Variants in UBE4B observed in about 807,000 individuals in gnomAD.
The protein encoded by UBE4B is ubiquitin conjugation factor E4 B.
UBE4B carries 27 observed loss-of-function variants against 148.1 expected under a neutral mutation model. The observed-to-expected ratio is 0.18, with a 90% CI of 0.13 to 0.25. The LOEUF (loss-of-function observed/expected upper bound fraction) is 0.25. UBE4B is among the 10% of genes least tolerant of loss of function. The probability of loss-of-function intolerance (pLI) is 1.00; values close to 1 mark genes in which losing one functional copy is unlikely to be tolerated. For synonymous variants in UBE4B, 596 were observed against 619.3 expected (o/e 0.96, Z 0.56); for missense variants, 1,170 against 1,662.4 (o/e 0.70, Z 5.15).
chr1:10,151,572 G>A lies in UBE4B; in HGVS notation c.2926+11G>A, dbSNP rs375826130. 43 of 1,610,394 alleles carry A rather than the reference G, an allele frequency of 2.7e-5. No homozygotes were observed. The highest frequency in any genetic ancestry group is 3.3e-5 in the Non-Finnish European group (39 of 1,177,376). The stretch of plus-strand genomic sequence containing the variant: ...TGAAGTTTTATACAGGTAGGTTGCT[G>A]GAACACAGTGTAGCACATGGCAGGC... On this transcript the variant is annotated intron_variant, in intron 21 of 27. Transcript: ENST00000343090.
intron 3 of UBE4B, among the ~76,000 whole-genome samples, chr1:10,099,784 A>G (rs1557550798): frequency 6.6e-6 from 1 of 152,204 alleles, no homozygotes; most frequent in Non-Finnish European, 1.5e-5. Flanking sequence ...CTAACAGAAC[A>G]GTAATGAGTC....
intron 17 of UBE4B, among the ~76,000 whole-genome samples, chr1:10,143,201 C>T (rs907713587): frequency 6.6e-6 from 1 of 151,790 alleles, no homozygotes; most frequent in Non-Finnish European, 1.5e-5. Flanking sequence ...GTCAGAAGTT[C>T]GAGATCAGCC....
At chr1:10,137,507 C>T (rs1416679224) in intron 17 of UBE4B, among the ~76,000 whole-genome samples, 1 of 152,160 alleles carries the variant, frequency 6.6e-6, no homozygotes. Flanking sequence ...GCACTTCAAA[C>T]TTTAAAAGTT....
intron 1 of UBE4B, 61 bp from the exon 2 acceptor site, chr1:10,071,967 T>A (rs951910312): frequency 4.1e-6 from 6 of 1,473,624 alleles, no homozygotes; most frequent in Admixed American, 2.6e-5. Flanking sequence ...AATGTCATTC[T>A]CTGGCAGAAT....
intron 2 of UBE4B, among the ~76,000 whole-genome samples, chr1:10,075,084 C>A (rs1644554765): frequency 1.3e-5 from 2 of 152,198 alleles, no homozygotes; most frequent in African/African-American, 4.8e-5. Flanking sequence ...GATTGGCAAA[C>A]TCTTTCTGTT....
intron 23 of UBE4B, among the ~76,000 whole-genome samples, chr1:10,166,787 T>C (rs1429893173): frequency 3.3e-5 from 5 of 151,876 alleles, no homozygotes; most frequent in Non-Finnish European, 7.4e-5. Flanking sequence ...TAGTCAAGCA[T>C]GGTGGCACGC....
chr1:10,179,336 C>T (rs943811915), intron 26 of UBE4B, 80 bp from the exon 27 acceptor site: 21 of 1,549,712 alleles, frequency 1.4e-5, no homozygotes, highest in South Asian at 2.4e-5. Context: ...ATAGATTTTT[C>T]GCTGGTAGAA....
Position 10,043,004 on chromosome 1 carries a change from C to CT in UBE4B, c.24+9325dup, listed in dbSNP as rs749891240. 3.1e-3 allele frequency among the ~76,000 whole-genome samples: 440 copies of CT among 140,716 alleles called. 1 individual carries two copies. Among genetic ancestry groups the CT allele is most frequent in the Middle Eastern group, 0.011 (3 of 270 alleles). 92.3% of individuals were successfully genotyped at this position (140,716 alleles called of 152,430 possible). A position where few individuals can be genotyped will look rare whatever the true frequency, so the allele number is the denominator to read the frequency against. On this transcript the variant is annotated intron_variant, in intron 1 of 27. Transcript: ENST00000343090. ...GTGGCAGGAGGTAAAGTCATTCATT[C>CT]TTTTTTTTTTTTTTTAATTTTTTGA...
rs1326738714 is a variant in UBE4B, at chr1:10,180,664, CAAAAT to C, written c.*712_*716del. On this transcript the variant is annotated 3_prime_UTR_variant, in exon 28 of 28. Transcript: ENST00000343090. ...CCCTTTAAGATTTTTTTATTCTAAACAAAATAAAGAAAATCCTGCTGCTCTGGTCC... is the reference window on the plus strand; with the variant it reads ...CCCTTTAAGATTTTTTTATTCTAAACAAAGAAAATCCTGCTGCTCTGGTCC... The C allele has an allele frequency of 6.6e-6, 1 of 151,408 alleles. No homozygotes were observed. Among genetic ancestry groups the C allele is most frequent in the Non-Finnish European group, 1.5e-5 (1 of 67,896 alleles). 9.4% of individuals were successfully genotyped at this position (151,408 alleles called of 1,614,324 possible).
intron 17 of UBE4B, among the ~76,000 whole-genome samples, chr1:10,140,262 G>T (rs1347342998): frequency 6.6e-6 from 1 of 152,006 alleles, no homozygotes; most frequent in Non-Finnish European, 1.5e-5. Flanking sequence ...GGTTCTTAGG[G>T]TATTTGTCTA....
chr1:10,120,902 G>A (rs983211662), intron 9 of UBE4B, among the ~76,000 whole-genome samples: 15 of 152,000 alleles, frequency 9.9e-5, no homozygotes, highest in Non-Finnish European at 1.8e-4. Flanking sequence ...TTTATTCTAG[G>A]TGTTCTTATG....
At chr1:10,153,101 TTCA>T (rs2101991692) in intron 21 of UBE4B, among the ~76,000 whole-genome samples, 1 of 152,098 alleles carries the variant, frequency 6.6e-6, no homozygotes, top group South Asian at 2.1e-4. Flanking sequence ...TTGTTTCTCC[TTCA>T]GTTTTCCAGT....
At chr1:10,041,572 C>T (rs980315134) in intron 1 of UBE4B, among the ~76,000 whole-genome samples, 7 of 150,010 alleles carry the variant, frequency 4.7e-5, no homozygotes, top group African/African-American at 1.7e-4. Flanking sequence ...TGACCTCAGG[C>T]GATCCCCCCG....
intron 1 of UBE4B, among the ~76,000 whole-genome samples, chr1:10,052,303 C>T (rs1220895009): frequency 2.0e-5 from 3 of 151,996 alleles, no homozygotes; most frequent in African/African-American, 7.3e-5. Context: ...AACTCCTGGG[C>T]TCAAATGATC....
At chr1:10,105,306 T>C (rs75994406) in intron 5 of UBE4B, among the ~76,000 whole-genome samples, 2,428 of 152,306 alleles carry the variant, frequency 0.016, 57 homozygotes, top group African/African-American at 0.054. Flanking sequence ...TAATATCTTA[T>C]ATAACCATGG....
chr1:10,120,760 C>A (rs996058254), intron 9 of UBE4B, among the ~76,000 whole-genome samples: 3 of 152,036 alleles, frequency 2.0e-5, no homozygotes, highest in African/African-American at 7.2e-5. Flanking sequence ...ATTGCTTGAA[C>A]CCGGGAGGTG....
At position 10,137,124 on chromosome 1, in the gene UBE4B, C is replaced by T; in HGVS notation, c.2282C>T (p.Thr761Ile). 6.2e-7 allele frequency: 1 copy of T among 1,614,178 alleles called. No homozygotes were observed. The highest frequency in any genetic ancestry group is 8.5e-7 in the Non-Finnish European group (1 of 1,180,034). Residue 761 changes from threonine (T) to isoleucine (I), a missense_variant, in exon 17 of 28, where the codon ACC (threonine) becomes ATC (isoleucine). Thr to Ile is a moderately conservative substitution (Grantham distance 89, BLOSUM62 -1). Transcript: ENST00000343090. ...TTCCCTACGGAGTGCTTCTTTCTCA[C>T]CCTGCATGCTCACCACCTCTCTATT... ...PKFPTECFFLTLHAHHLSILP... is the reference protein window; with the variant it reads ...PKFPTECFFLILHAHHLSILP...
chr1:10,087,134 G>A (rs1281438787), intron 2 of UBE4B, among the ~76,000 whole-genome samples: 3 of 152,128 alleles, frequency 2.0e-5, no homozygotes, highest in African/African-American at 7.2e-5. Context: ...TTGTAAACAC[G>A]TTCACATTGG....
chr1:10,152,072 T>C (rs985362781), intron 21 of UBE4B, among the ~76,000 whole-genome samples: 2 of 151,014 alleles, frequency 1.3e-5, no homozygotes, highest in Non-Finnish European at 3.0e-5. Context: ...GCCTGGCCAG[T>C]ATGGTGAAAC....
Sources: gnomAD v4.1 joint callset for allele counts (sites outside exome capture counted in the v4.1 genomes callset) on GRCh38, gnomAD v4.1.1 for gene constraint, MANE v1.5 for transcripts, NCBI Gene and HGNC (gene_info 2026-07-23, HGNC 2026-07-21) for gene names.